NRXN3: variants seen among roughly 807,000 people sequenced by gnomAD.
NRXN3 encodes the protein neurexin 3.
In NRXN3, 32 loss-of-function variants were observed where a neutral mutation model predicts 137.6. That is an observed-to-expected ratio of 0.23 (90% CI 0.18 to 0.31). The LOEUF (loss-of-function observed/expected upper bound fraction) is 0.31. NRXN3 is among the 10% of genes least tolerant of loss of function. NRXN3 has a pLI of 1.00. For synonymous variants in NRXN3, 798 were observed against 784.5 expected, an observed-to-expected ratio of 1.02 and a Z score of -0.29; for missense variants, 1,574 against 2,062.5, an observed-to-expected ratio of 0.76 and a Z score of 4.59.
rs548853855 is a variant in NRXN3, at chr14:79,863,123, C to G, written c.*1159C>G. 1.3e-5 allele frequency: 2 copies of G among 152,670 alleles called. No homozygotes were observed. The highest frequency in any genetic ancestry group is 4.8e-5 in the African/African-American group (2 of 41,560). The allele number at this position is 152,670 out of a possible 1,614,324, so 9.5% of individuals were successfully genotyped here. On this transcript the variant is annotated 3_prime_UTR_variant, in exon 21 of 21. Coordinates refer to ENST00000335750, the MANE Select transcript of NRXN3 (RefSeq NM_001330195.2). ...AAGCCAACCATGTCATGCCAGAGTA[C>G]AAAACACATAGTTCTTTCCCCGCCC...
chr14:79,388,542 T>C (rs72688996), intron 15 of NRXN3, among the ~76,000 whole-genome samples: 20,173 of 152,066 alleles, frequency 0.13, 1,738 homozygotes, highest in Non-Finnish European at 0.19. Context: ...AGGATTTCAT[T>C]GATCTGTTGC....
chr14:78,244,106 A>T (rs1389001971), intron 2 of NRXN3, among the ~76,000 whole-genome samples: 1 of 152,156 alleles, frequency 6.6e-6, no homozygotes, highest in African/African-American at 2.4e-5. Flanking sequence ...CGTTTATCAC[A>T]GTCAACCCAG....
chr14:78,789,760 G>A (rs1016037381), intron 8 of NRXN3, among the ~76,000 whole-genome samples: 2 of 152,084 alleles, frequency 1.3e-5, no homozygotes, highest in Admixed American at 1.3e-4. Flanking sequence ...TGTTTCCTCA[G>A]CCAGAGTGCC....
At chr14:78,980,234 T>C (rs1005811059) in intron 14 of NRXN3, among the ~76,000 whole-genome samples, 1 of 152,234 alleles carries the variant, frequency 6.6e-6, no homozygotes, top group African/African-American at 2.4e-5. Context: ...GGAATGGACA[T>C]TGAGAAGACA....
chr14:79,209,444 T>G (rs2067307677), intron 15 of NRXN3, among the ~76,000 whole-genome samples: 1 of 151,674 alleles, frequency 6.6e-6, no homozygotes, highest in African/African-American at 2.4e-5. Flanking sequence ...ATGGGTAAAG[T>G]GTTATAAATT....
At chr14:79,498,036 A>AAAAC (rs562719215) in intron 16 of NRXN3, among the ~76,000 whole-genome samples, 220 of 152,268 alleles carry the variant, frequency 1.4e-3, no homozygotes, top group Admixed American at 5.5e-3. Context: ...TCTGTCTCAG[A>AAAAC]AAACAAACAA....
intron 1 of NRXN3, among the ~76,000 whole-genome samples, chr14:78,191,496 G>A (rs1316299397): frequency 6.6e-6 from 1 of 152,188 alleles, no homozygotes; most frequent in East Asian, 1.9e-4. Flanking sequence ...TGTGGGAGGA[G>A]GCTGAGACCT....
intron 15 of NRXN3, among the ~76,000 whole-genome samples, chr14:79,038,318 T>G (rs1045165487): frequency 6.6e-6 from 1 of 152,102 alleles, no homozygotes; most frequent in Non-Finnish European, 1.5e-5. Context: ...TATTCTCTCC[T>G]GGCAAAATTT....
intron 4 of NRXN3, among the ~76,000 whole-genome samples, chr14:78,377,508 T>C (rs1567411913): frequency 6.6e-6 from 1 of 152,232 alleles, no homozygotes; most frequent in Non-Finnish European, 1.5e-5. Flanking sequence ...TAAATTGATA[T>C]AGGAAATCAG....
At chr14:78,509,468 C>T (rs1246357210) in intron 4 of NRXN3, among the ~76,000 whole-genome samples, 4 of 152,090 alleles carry the variant, frequency 2.6e-5, no homozygotes, top group Non-Finnish European at 4.4e-5. Flanking sequence ...CTGCATTCTT[C>T]CCATGGGGAA....
At chr14:78,520,111 C>T (rs2096265692) in intron 4 of NRXN3, among the ~76,000 whole-genome samples, 1 of 152,152 alleles carries the variant, frequency 6.6e-6, no homozygotes, top group Non-Finnish European at 1.5e-5. Context: ...GGCTCCTTTC[C>T]ATGTTCCTAA....
chr14:78,250,776 T>C (rs1025465357), intron 2 of NRXN3, among the ~76,000 whole-genome samples: 4 of 152,174 alleles, frequency 2.6e-5, no homozygotes, highest in African/African-American at 9.7e-5. Context: ...AGGCCCTCAA[T>C]GTGGCATTTT....
chr14:79,516,000 C>T (rs2096980469), intron 16 of NRXN3, among the ~76,000 whole-genome samples: 2 of 152,140 alleles, frequency 1.3e-5, no homozygotes, highest in South Asian at 2.1e-4. Flanking sequence ...GGGAAAGGGC[C>T]TTGTAGGCTG....
intron 16 of NRXN3, among the ~76,000 whole-genome samples, chr14:79,474,561 A>G (rs1600829418): frequency 6.6e-6 from 1 of 152,122 alleles, no homozygotes; most frequent in Non-Finnish European, 1.5e-5. Flanking sequence ...AATTTAGGTC[A>G]TGACCTTGGT....
At chr14:78,221,330 A>G (rs1188430868) in intron 1 of NRXN3, among the ~76,000 whole-genome samples, 3 of 152,058 alleles carry the variant, frequency 2.0e-5, no homozygotes, top group Non-Finnish European at 4.4e-5. Flanking sequence ...TTTGCTGGAG[A>G]GGTAGTTCTG....
intron 10 of NRXN3, among the ~76,000 whole-genome samples, chr14:78,872,364 A>G (rs2099103616): frequency 6.7e-6 from 1 of 150,154 alleles, no homozygotes; most frequent in Non-Finnish European, 1.5e-5. Flanking sequence ...TAGCATTCAG[A>G]TTGCAGTTTT....
intron 10 of NRXN3, among the ~76,000 whole-genome samples, chr14:78,863,418 TTCTTA>T (rs1224068182): frequency 2.0e-5 from 3 of 152,122 alleles, no homozygotes; most frequent in Non-Finnish European, 4.4e-5. Flanking sequence ...CCATTGTTGT[TTCTTA>T]TCTTCACCTT....
chr14:78,341,011 C>G (rs1360916684), intron 4 of NRXN3, among the ~76,000 whole-genome samples: 1 of 152,150 alleles, frequency 6.6e-6, no homozygotes. Context: ...AATAATGAGT[C>G]AGTTTTTTAT....
At chr14:78,347,801 C>A (rs2082949068) in intron 4 of NRXN3, among the ~76,000 whole-genome samples, 1 of 152,098 alleles carries the variant, frequency 6.6e-6, no homozygotes, top group Non-Finnish European at 1.5e-5. Context: ...CTTAGTATAT[C>A]AGAAGCTCGT....
Sources: gnomAD v4.1 joint callset for allele counts (sites outside exome capture counted in the v4.1 genomes callset) on GRCh38, gnomAD v4.1.1 for gene constraint, MANE v1.5 for transcripts, NCBI Gene and HGNC (gene_info 2026-07-23, HGNC 2026-07-21) for gene names.